The following PPARGC1A variants were observed in gnomAD, a reference collection of about 807,000 sequenced individuals.
PPARGC1A encodes the protein PPARG coactivator 1 alpha, also known as peroxisome proliferator-activated receptor gamma coactivator 1-alpha.
PPARGC1A carries 25 observed loss-of-function variants against 88.7 expected under a neutral mutation model. The observed-to-expected ratio is 0.28, with a 90% CI of 0.21 to 0.39. The LOEUF is 0.39. Among genes scored for constraint, PPARGC1A ranks in the 10% least tolerant of loss-of-function variants. PPARGC1A has a pLI of 1.00. For synonymous variants in PPARGC1A, 363 were observed against 355.6 expected (o/e 1.02, Z -0.24); for missense variants, 880 against 968.7 (o/e 0.91, Z 1.22).
the PPARGC1A span, among the ~76,000 whole-genome samples, chr4:24,317,949 T>C: frequency 6.6e-6 from 1 of 152,198 alleles, no homozygotes; most frequent in African/African-American, 2.4e-5. Context: ...TAGGAGGCTA[T>C]TAAGGCCAGG....
the PPARGC1A span, among the ~76,000 whole-genome samples, chr4:24,470,836 G>C: frequency 6.6e-6 from 1 of 151,922 alleles, no homozygotes; most frequent in African/African-American, 2.4e-5. This position sits in a 1 kb window ranked among gnomAD's most constrained non-coding sequence, Gnocchi z 5.8. Context: ...CACTCGGATG[G>C]CCGCAGCGCT....
the PPARGC1A span, among the ~76,000 whole-genome samples, chr4:24,013,356 C>T: frequency 6.6e-6 from 1 of 152,236 alleles, no homozygotes; most frequent in South Asian, 2.1e-4. Flanking sequence ...TTCCCCTTTT[C>T]CTTCCCACTC....
the PPARGC1A span, among the ~76,000 whole-genome samples, chr4:24,291,768 G>C: frequency 6.6e-6 from 1 of 152,044 alleles, no homozygotes; most frequent in African/African-American, 2.4e-5. Flanking sequence ...AATTAATTGA[G>C]TAAAAGAGAA....
chr4:23,842,439 G>C (rs1296644481), intron 2 of PPARGC1A, among the ~76,000 whole-genome samples: 3 of 152,074 alleles, frequency 2.0e-5, no homozygotes, highest in African/African-American at 7.2e-5. Context: ...ATAGCACCAA[G>C]TTTCCAATCT....
At chr4:23,851,281 A>G (rs1036452191) in intron 2 of PPARGC1A, among the ~76,000 whole-genome samples, 3 of 152,146 alleles carry the variant, frequency 2.0e-5, no homozygotes, top group African/African-American at 7.2e-5. Context: ...ACACACACAC[A>G]TGCTCACACA....
At chr4:24,229,097 C>T in the PPARGC1A span, among the ~76,000 whole-genome samples, 1 of 146,794 alleles carries the variant, frequency 6.8e-6, no homozygotes, top group Non-Finnish European at 1.5e-5. Flanking sequence ...GGACTGGGCC[C>T]CACTTCCAGA....
At chr4:23,968,610 T>C in the PPARGC1A span, among the ~76,000 whole-genome samples, 1 of 152,188 alleles carries the variant, frequency 6.6e-6, no homozygotes, top group Non-Finnish European at 1.5e-5. Context: ...TAATAATACA[T>C]ACCTTATTAA....
At chr4:24,095,473 G>A in the PPARGC1A span, among the ~76,000 whole-genome samples, 2 of 152,100 alleles carry the variant, frequency 1.3e-5, no homozygotes, top group East Asian at 1.9e-4. Context: ...GGTCATTAGG[G>A]TGGGCTTTAA....
chr4:24,151,868 G>T, the PPARGC1A span, among the ~76,000 whole-genome samples: 4 of 152,048 alleles, frequency 2.6e-5, no homozygotes, highest in South Asian at 6.2e-4. Context: ...TCATACTTAG[G>T]CAGAAACAAA....
chr4:24,097,049 G>C, the PPARGC1A span, among the ~76,000 whole-genome samples: 1 of 152,104 alleles, frequency 6.6e-6, no homozygotes, highest in Non-Finnish European at 1.5e-5. Context: ...AGCTATGATG[G>C]TGCCACGGCG....
chr4:23,954,558 A>C, the PPARGC1A span, among the ~76,000 whole-genome samples: 2 of 152,038 alleles, frequency 1.3e-5, no homozygotes, highest in Non-Finnish European at 2.9e-5. Context: ...GTAATCATAT[A>C]ACATAATTTT....
At chr4:24,268,344 A>G in the PPARGC1A span, among the ~76,000 whole-genome samples, 1 of 152,292 alleles carries the variant, frequency 6.6e-6, no homozygotes, top group Admixed American at 6.5e-5. Context: ...CAGTCAGCTA[A>G]CTCAGTTATA....
intron 5 of PPARGC1A, among the ~76,000 whole-genome samples, chr4:23,824,829 T>C (rs1005061681): frequency 1.3e-5 from 2 of 152,150 alleles, no homozygotes; most frequent in Non-Finnish European, 2.9e-5. Flanking sequence ...TGGAATACAG[T>C]ACACGGTTTG....
At chr4:23,942,413 A>G in the PPARGC1A span, among the ~76,000 whole-genome samples, 32 of 152,206 alleles carry the variant, frequency 2.1e-4, no homozygotes, top group Non-Finnish European at 4.0e-4. Context: ...TTGGCTGTCA[A>G]TACTCTAAGA....
the PPARGC1A span, among the ~76,000 whole-genome samples, chr4:24,162,498 TAG>T: frequency 6.6e-6 from 1 of 152,042 alleles, no homozygotes; most frequent in Non-Finnish European, 1.5e-5. Context: ...TCCTTAGCTG[TAG>T]AGTTAATATT....
the PPARGC1A span, among the ~76,000 whole-genome samples, chr4:24,226,492 C>T: frequency 6.6e-6 from 1 of 152,216 alleles, no homozygotes; most frequent in Non-Finnish European, 1.5e-5. Context: ...CAGCAGCTTT[C>T]TCTGTCTGCT....
chr4:23,946,553 G>A, the PPARGC1A span, among the ~76,000 whole-genome samples: 34 of 57,976 alleles, frequency 5.9e-4, no homozygotes, highest in African/African-American at 1.6e-3. Context: ...TCCTACTCTG[G>A]TGTGCCAGGA....
intron 2 of PPARGC1A, among the ~76,000 whole-genome samples, chr4:23,878,191 G>C (rs1341932444): frequency 6.6e-6 from 1 of 152,054 alleles, no homozygotes; most frequent in Non-Finnish European, 1.5e-5. Context: ...AAATGTCCCA[G>C]TTTACTTTCT....
At chr4:24,066,849 G>GTTTTTTTTTTTTTTTT in the PPARGC1A span, among the ~76,000 whole-genome samples, 22 of 100,866 alleles carry the variant, frequency 2.2e-4, no homozygotes, top group East Asian at 5.8e-4. Flanking sequence ...TTTGTTTTGG[G>GTTTTTTTTTTTTTTTT]TTTTTTTTTT....
Sources: gnomAD v4.1 joint callset for allele counts (sites outside exome capture counted in the v4.1 genomes callset) on GRCh38, gnomAD v4.1.1 for gene constraint, Gnocchi (gnomAD v3.1) non-coding constraint, MANE v1.5 for transcripts, NCBI Gene and HGNC (gene_info 2026-07-23, HGNC 2026-07-21) for gene names.